Variants in DMD observed in about 807,000 individuals in gnomAD.
DMD encodes the protein dystrophin, also known as mutant dystrophin.
In DMD, 63 loss-of-function variants were observed where a neutral mutation model predicts 330.1. That is an observed-to-expected ratio of 0.19 (90% CI 0.16 to 0.24). The LOEUF (loss-of-function observed/expected upper bound fraction) is 0.24. Ranked by LOEUF, DMD falls within the 10% of genes least tolerant of loss-of-function variation. The pLI is 1.00. For missense variants in DMD, 3,344 were observed against 2,684.1 expected (o/e 1.25, Z -5.43); for synonymous variants, 1,223 against 959.8 (o/e 1.27, Z -5.07).
chrX:31,260,817 A>G (rs2050437128), intron 63 of DMD, 138 bp downstream of exon 63: 1 of 516,629 alleles, frequency 1.9e-6, no homozygotes, highest in African/African-American at 2.4e-5. Context: ...TCAATTTTGG[A>G]TAGGAAGGTG....
At chrX:32,111,461 T>C (rs1173911067) in intron 44 of DMD, among the ~76,000 whole-genome samples, 2 of 112,283 alleles carry the variant, frequency 1.8e-5, no homozygotes, top group African/African-American at 3.2e-5. Context: ...ATAAGCCATG[T>C]CATTCTTTTG....
intron 21 of DMD, among the ~76,000 whole-genome samples, chrX:32,473,977 TC>T (rs1395550810): frequency 9.1e-6 from 1 of 109,687 alleles, no homozygotes; most frequent in Non-Finnish European, 1.9e-5. Flanking sequence ...CTTTTCTCTC[TC>T]CCCCCAACCT....
chrX:31,503,195 C>A (rs1366389055), intron 56 of DMD, among the ~76,000 whole-genome samples: 1 of 112,090 alleles, frequency 8.9e-6, no homozygotes, highest in African/African-American at 3.2e-5. Flanking sequence ...CCTTTTAAAT[C>A]AATCAGTTCT....
intron 29 of DMD, among the ~76,000 whole-genome samples, chrX:32,433,837 T>C (rs2098248657): frequency 8.9e-6 from 1 of 112,144 alleles, no homozygotes; most frequent in South Asian, 3.7e-4. Context: ...TACTAAATCA[T>C]CTTCTGCTGC....
intron 50 of DMD, among the ~76,000 whole-genome samples, chrX:31,802,209 C>G (rs769562053): frequency 9.2e-6 from 1 of 109,229 alleles, no homozygotes; most frequent in Admixed American, 9.8e-5. Context: ...TGGTAAGGTA[C>G]TGGAGCATTT....
chrX:32,579,449 C>T (rs1402436832), intron 13 of DMD, among the ~76,000 whole-genome samples: 2 of 111,767 alleles, frequency 1.8e-5, no homozygotes, highest in Non-Finnish European at 3.8e-5. Context: ...TGGGATTTGA[C>T]CTCAGATCCA....
intron 42 of DMD, 24 bp downstream of exon 42, chrX:32,310,058 C>G (rs989066213): frequency 8.5e-7 from 1 of 1,182,342 alleles, no homozygotes; most frequent in African/African-American, 1.8e-5. Flanking sequence ...TTGTAAAATA[C>G]GAATGAAAGT....
chrX:32,764,910 A>C (rs1166250749), intron 7 of DMD, among the ~76,000 whole-genome samples: 1 of 109,199 alleles, frequency 9.2e-6, no homozygotes, highest in Non-Finnish European at 1.9e-5. Flanking sequence ...CCAGCAGTTC[A>C]CAAGTGTTCA....
At chrX:33,321,797 A>C (rs1414236660) in intron 1 of DMD, among the ~76,000 whole-genome samples, 1 of 111,593 alleles carries the variant, frequency 9.0e-6, no homozygotes, top group Non-Finnish European at 1.9e-5. Context: ...ACTTTTATCA[A>C]TGATCTTAGC....
chrX:32,769,383 C>A (rs2073356790), intron 7 of DMD, among the ~76,000 whole-genome samples: 1 of 111,010 alleles, frequency 9.0e-6, no homozygotes. Flanking sequence ...GAAAGACCTG[C>A]CCCCATGATT....
intron 7 of DMD, among the ~76,000 whole-genome samples, chrX:32,748,483 G>A (rs974654564): frequency 9.0e-6 from 1 of 111,567 alleles, no homozygotes; most frequent in Admixed American, 9.5e-5. Flanking sequence ...TAGCCAGCTG[G>A]GGTATGAGTC....
At chrX:32,217,187 CAG>C (rs2097115525) in intron 43 of DMD, 124 bp from the exon 44 acceptor site, 3 of 675,951 alleles carry the variant, frequency 4.4e-6, no homozygotes, top group Admixed American at 6.0e-5. Context: ...CCTGCATTTG[CAG>C]AGTTTAGTTT....
chrX:33,037,567 G>A (rs1023010781), intron 1 of DMD, among the ~76,000 whole-genome samples: 29 of 111,344 alleles, frequency 2.6e-4, no homozygotes, highest in African/African-American at 8.8e-4. Flanking sequence ...AACACAGATA[G>A]GGGTGACCAA....
chrX:32,813,556 A>G lies in DMD; in HGVS notation c.530+2912T>C, dbSNP rs990570071. Among the ~76,000 whole-genome samples, 5 of 112,159 alleles carry G rather than the reference A, an allele frequency of 4.5e-5. 1 individual carries two copies. Among genetic ancestry groups the G allele is most frequent in the African/African-American group, 1.6e-4 (5 of 30,889 alleles). On this transcript the variant is annotated intron_variant, in intron 6 of 78. Transcript: ENST00000357033. ...TTTTACCTAGAACGGTGTCTACAAA[A>G]TAATAATTGTTTAAAAACATTCGTT...
At chrX:33,010,050 A>ATACGTGTATATACACATGTGTG (rs2093646531) in intron 2 of DMD, among the ~76,000 whole-genome samples, 2 of 80,883 alleles carry the variant, frequency 2.5e-5, no homozygotes, top group African/African-American at 1.1e-4. Context: ...ACACATGTGT[A>ATACGTGTATATACACATGTGTG]TATATACGTG....
chrX:31,833,517 A>G (rs1345279147), intron 49 of DMD, among the ~76,000 whole-genome samples: 2 of 111,995 alleles, frequency 1.8e-5, no homozygotes, highest in African/African-American at 3.2e-5. Context: ...TCATTTCATA[A>G]TATGTATTTG....
chrX:32,861,933 CTACGTGT>C (rs767790922), intron 2 of DMD, among the ~76,000 whole-genome samples: 3 of 111,714 alleles, frequency 2.7e-5, no homozygotes, highest in Non-Finnish European at 3.8e-5. Flanking sequence ...AAATGAAGGC[CTACGTGT>C]TACTTCCCAT....
chrX:32,454,876 G>A (rs2098349991), intron 25 of DMD, 44 bp from the exon 26 acceptor site: 1 of 1,169,729 alleles, frequency 8.5e-7, no homozygotes, highest in Non-Finnish European at 1.2e-6. Context: ...TGACAGTGAT[G>A]AAACATTATT....
At chrX:33,312,915 A>G (rs1454428344) in intron 1 of DMD, among the ~76,000 whole-genome samples, 2 of 111,340 alleles carry the variant, frequency 1.8e-5, no homozygotes, top group African/African-American at 6.5e-5. Context: ...ATTCACCATC[A>G]TGCTTGGGGC....
Sources: allele counts gnomAD v4.1 joint callset (sites outside exome capture counted in the v4.1 genomes callset), GRCh38; gene constraint gnomAD v4.1.1; transcripts MANE v1.5; gene names NCBI Gene and HGNC (gene_info 2026-07-23, HGNC 2026-07-21).